RCAN3: variants seen among roughly 807,000 people sequenced by gnomAD.
RCAN3 encodes regulator of calcineurin 3.
A neutral mutation model predicts 21.9 loss-of-function variants in RCAN3; 19 were observed. That is an observed-to-expected ratio of 0.87 (90% CI 0.61 to 1.27). RCAN3 has a LOEUF of 1.27. RCAN3 is among the 50% of genes most tolerant of loss of function. RCAN3 has a pLI of 0.00. For synonymous variants in RCAN3, 114 were observed against 112.3 expected (o/e 1.01, Z -0.09); for missense variants, 240 against 300.1 (o/e 0.80, Z 1.48).
At chr1:24,530,867 G>A (rs187773809) in intron 2 of RCAN3, among the ~76,000 whole-genome samples, 34 of 152,078 alleles carry the variant, frequency 2.2e-4, no homozygotes, top group African/African-American at 6.5e-4. Flanking sequence ...AAAATTAGCC[G>A]GGCATGGTGG....
intron 2 of RCAN3, among the ~76,000 whole-genome samples, chr1:24,518,322 T>G (rs1648508848): frequency 6.6e-6 from 1 of 152,242 alleles, no homozygotes. Flanking sequence ...TTTGGCTCTA[T>G]GTTTTTATCA....
chr1:24,537,646 CCAG>C lies in RCAN3; in HGVS notation c.*2372_*2374del, dbSNP rs1650302897. The C allele has an allele frequency of 6.6e-6, 1 of 152,042 alleles. No individual in the cohort carries two copies. The highest frequency in any genetic ancestry group is 2.4e-5 in the African/African-American group (1 of 41,366). 9.4% of individuals were successfully genotyped at this position (152,042 alleles called of 1,614,324 possible). A position where few individuals can be genotyped will look rare whatever the true frequency, so the allele number is the denominator to read the frequency against. Reference sequence around the variant, plus strand: ...AGGTGTGGTGGCTCACACCATAATCCCAGCACTTTGGGAGGCCAAGGTGGGTGG... The same window carrying C: ...AGGTGTGGTGGCTCACACCATAATCCCACTTTGGGAGGCCAAGGTGGGTGG... On this transcript the variant is annotated 3_prime_UTR_variant, in exon 5 of 5. Transcript: ENST00000374395.
chr1:24,531,655 C>T (rs979930926), intron 3 of RCAN3, among the ~76,000 whole-genome samples: 12 of 152,184 alleles, frequency 7.9e-5, no homozygotes, highest in Admixed American at 7.2e-4. Context: ...TCAACTGGGA[C>T]TCTGCGTGGG....
intron 2 of RCAN3, among the ~76,000 whole-genome samples, chr1:24,530,112 GGAGGT>G (rs1228659189): frequency 2.0e-5 from 3 of 151,878 alleles, no homozygotes; most frequent in East Asian, 3.9e-4. Flanking sequence ...CAGCACTTTG[GGAGGT>G]CAAGGAGGAT....
intron 2 of RCAN3, among the ~76,000 whole-genome samples, chr1:24,524,207 G>C (rs1165115075): frequency 6.6e-6 from 1 of 152,114 alleles, no homozygotes; most frequent in Admixed American, 6.6e-5. Flanking sequence ...TCCAGCCTGA[G>C]AGACTGAGAA....
chr1:24,507,958 G>T (rs985383150), intron 1 of RCAN3, among the ~76,000 whole-genome samples: 1 of 152,144 alleles, frequency 6.6e-6, no homozygotes, highest in African/African-American at 2.4e-5. Flanking sequence ...TGTGCCTGTA[G>T]TCCCAGCTAC....
At chr1:24,514,165 C>G (rs1173456936) in intron 1 of RCAN3, 149 bp from the exon 2 acceptor site, 3 of 408,118 alleles carry the variant, frequency 7.4e-6, no homozygotes, top group Non-Finnish European at 1.3e-5. Flanking sequence ...AATTCACTTA[C>G]GAGGACTGTA....
chr1:24,513,327 C>A (rs970750084), intron 1 of RCAN3, among the ~76,000 whole-genome samples: 2 of 152,074 alleles, frequency 1.3e-5, no homozygotes, highest in Admixed American at 6.6e-5. Flanking sequence ...TGGTCTTGAA[C>A]GCCTGAGCTG....
intron 1 of RCAN3, among the ~76,000 whole-genome samples, chr1:24,507,885 A>C (rs974965107): frequency 7.2e-5 from 11 of 152,178 alleles, no homozygotes; most frequent in Admixed American, 5.2e-4. Context: ...GACCAGCCTG[A>C]CCAACATGAT....
chr1:24,521,858 A>C (rs1479475287), intron 2 of RCAN3, among the ~76,000 whole-genome samples: 2 of 151,792 alleles, frequency 1.3e-5, no homozygotes, highest in Non-Finnish European at 2.9e-5. Context: ...AAAAACAAAC[A>C]AACAAAAAAA....
rs1429929038 is a variant in RCAN3 at position 24,535,287 on chromosome 1, T to C, written c.*10T>C. On this transcript the variant is annotated 3_prime_UTR_variant, in exon 5 of 5. Transcript: ENST00000374395. Reference sequence around the variant, plus strand: ...TGATTGCGCGCTGTGAGGCCCTTGGTTGTGGTGCGAGGCGGCTGCCCTGGT... The same window carrying C: ...TGATTGCGCGCTGTGAGGCCCTTGGCTGTGGTGCGAGGCGGCTGCCCTGGT... 2.0e-6 allele frequency: 3 copies of C among 1,524,488 alleles called. No homozygotes were observed. Among genetic ancestry groups the C allele is most frequent in the Non-Finnish European group, 2.6e-6 (3 of 1,143,444 alleles). The allele number at this position is 1,524,488 out of a possible 1,614,324, so 94.4% of individuals were successfully genotyped here.
intron 2 of RCAN3, among the ~76,000 whole-genome samples, chr1:24,516,010 G>T (rs1056153518): frequency 6.6e-6 from 1 of 152,138 alleles, no homozygotes; most frequent in Non-Finnish European, 1.5e-5. Context: ...GGGCGTGGTG[G>T]CAGGTGCCTG....
At chr1:24,511,026 A>G (rs1211500957) in intron 1 of RCAN3, among the ~76,000 whole-genome samples, 2 of 152,040 alleles carry the variant, frequency 1.3e-5, no homozygotes, top group Non-Finnish European at 2.9e-5. Context: ...TATTAAGAAC[A>G]CCCATGGCCG....
intron 2 of RCAN3, among the ~76,000 whole-genome samples, chr1:24,524,943 C>T (rs1184778910): frequency 6.6e-6 from 1 of 150,836 alleles, no homozygotes; most frequent in African/African-American, 2.4e-5. Context: ...AATTCTCGTG[C>T]ATCAGTCTCC....
intron 2 of RCAN3, among the ~76,000 whole-genome samples, chr1:24,523,966 C>T (rs1395511044): frequency 6.6e-6 from 1 of 152,136 alleles, no homozygotes; most frequent in African/African-American, 2.4e-5. Context: ...TGGCACAGGC[C>T]TGTAATCCCA....
chr1:24,531,304 C>G lies in RCAN3; in HGVS notation c.282C>G (p.Phe94Leu). 1 of 1,613,802 alleles carries G rather than the reference C, an allele frequency of 6.2e-7. No homozygotes were observed. Among genetic ancestry groups the G allele is most frequent in the Non-Finnish European group, 8.5e-7 (1 of 1,179,882 alleles). The change falls in exon 3 of 5, where the codon TTC (phenylalanine) becomes TTG (leucine). Residue 94 changes from phenylalanine to leucine, a missense_variant. Coordinates refer to ENST00000374395, the MANE Select transcript of RCAN3 (RefSeq NM_013441.4). ...GCTTTAGAAGAGTCAGAATAAATTT[C>G]AGCAAACCTGAAGCGGCAGCAAGAG... The part of the protein sequence containing the change: ...FKSFRRVRIN[F>L]SKPEAAARAR...
chr1:24,515,190 TAAAG>T (rs1648205418), intron 2 of RCAN3, among the ~76,000 whole-genome samples: 1 of 152,180 alleles, frequency 6.6e-6, no homozygotes, highest in African/African-American at 2.4e-5. Context: ...AGACTACAAT[TAAAG>T]AAAACCTGGG....
intron 2 of RCAN3, among the ~76,000 whole-genome samples, chr1:24,523,603 TACACACAC>T (rs71577716): frequency 0.074 from 10,461 of 140,752 alleles, 484 homozygotes; most frequent in East Asian, 0.27. Flanking sequence ...TTATTTCTAA[TACACACAC>T]ACACACACAC....
intron 2 of RCAN3, among the ~76,000 whole-genome samples, chr1:24,518,235 C>T (rs536228779): frequency 5.3e-5 from 8 of 152,228 alleles, no homozygotes; most frequent in Non-Finnish European, 1.0e-4. Flanking sequence ...TAAGCTTTTA[C>T]ATTCTTCCGA....
Sources: allele counts gnomAD v4.1 joint callset (sites outside exome capture counted in the v4.1 genomes callset), GRCh38; gene constraint gnomAD v4.1.1; transcripts MANE v1.5; gene names NCBI Gene and HGNC (gene_info 2026-07-23, HGNC 2026-07-21).